Variants in PDZRN4 observed in about 807,000 individuals in gnomAD.
PDZRN4 encodes PDZ domain containing ring finger 4.
Under a neutral mutation model 99.0 loss-of-function variants are expected in PDZRN4, and 70 were observed. The ratio of observed to expected loss-of-function variants is 0.71; its 90% CI spans 0.58 to 0.86. The LOEUF (loss-of-function observed/expected upper bound fraction) is 0.86. Among genes scored for constraint, PDZRN4 ranks in the 40% least tolerant of loss-of-function variants. The probability of loss-of-function intolerance (pLI) is 0.00; values close to 1 mark genes in which losing one functional copy is unlikely to be tolerated. For missense variants in PDZRN4, 1,474 were observed against 1,331.2 expected (o/e 1.11, Z -1.67); for synonymous variants, 551 against 501.6 (o/e 1.10, Z -1.32).
chr12:41,327,501 C>A (rs938654780), intron 3 of PDZRN4, among the ~76,000 whole-genome samples: 1 of 152,190 alleles, frequency 6.6e-6, no homozygotes, highest in Non-Finnish European at 1.5e-5. Context: ...GTGGTTTTAG[C>A]TGTGAACGTC....
At chr12:41,230,379 A>G (rs1951020411) in intron 3 of PDZRN4, among the ~76,000 whole-genome samples, 1 of 152,056 alleles carries the variant, frequency 6.6e-6, no homozygotes, top group Non-Finnish European at 1.5e-5. Flanking sequence ...GGATAACTGT[A>G]ATGAATATTC....
At chr12:41,259,180 C>T (rs1951221640) in intron 3 of PDZRN4, among the ~76,000 whole-genome samples, 1 of 151,762 alleles carries the variant, frequency 6.6e-6, no homozygotes, top group Admixed American at 6.6e-5. Context: ...TTCAACTGGT[C>T]CTATGATGCA....
At chr12:41,195,230 T>C (rs1220988068) in intron 3 of PDZRN4, among the ~76,000 whole-genome samples, 1 of 152,224 alleles carries the variant, frequency 6.6e-6, no homozygotes, top group Admixed American at 6.5e-5. Flanking sequence ...ATGGTTAAGT[T>C]ACTTTTATCA....
chr12:41,300,557 A>AT (rs1951528927), intron 3 of PDZRN4, among the ~76,000 whole-genome samples: 1 of 151,880 alleles, frequency 6.6e-6, no homozygotes, highest in Admixed American at 6.6e-5. Flanking sequence ...TGTAGGTTTT[A>AT]TTTTTTCCCT....
At chr12:41,210,293 T>A (rs968378139) in intron 3 of PDZRN4, among the ~76,000 whole-genome samples, 2 of 152,034 alleles carry the variant, frequency 1.3e-5, no homozygotes, top group African/African-American at 4.8e-5. Flanking sequence ...CCCATTCTGT[T>A]GGTTGCTTGT....
At position 41,219,186 on chromosome 12, in the gene PDZRN4, C is replaced by T. The variant is rs901429642; in HGVS notation, c.843+24998C>T. ...GAGAATTACAGCACTGGGTTTTTCA[C>T]GCTGTGATGAAAGCTTAAAGAAGAT... On this transcript the variant is annotated intron_variant, in intron 3 of 9. Transcript: ENST00000402685. Among the ~76,000 whole-genome samples the T allele has an allele frequency of 5.3e-5, 8 of 152,048 alleles. No individual in the cohort carries two copies. In the South Asian group the frequency reaches 6.2e-4, roughly 12 times the overall value.
intron 3 of PDZRN4, among the ~76,000 whole-genome samples, chr12:41,269,494 G>GA (rs1289534099): frequency 4.6e-5 from 7 of 151,212 alleles, no homozygotes; most frequent in South Asian, 4.2e-4. Flanking sequence ...CAATTACAAG[G>GA]AAAAAAAAGG....
intron 3 of PDZRN4, among the ~76,000 whole-genome samples, chr12:41,279,867 T>C (rs1197271832): frequency 1.3e-5 from 2 of 152,194 alleles, no homozygotes; most frequent in African/African-American, 2.4e-5. Flanking sequence ...ACTTCTTTTT[T>C]CCATCAGTCT....
intron 3 of PDZRN4, among the ~76,000 whole-genome samples, chr12:41,370,877 T>C (rs998722923): frequency 6.6e-6 from 1 of 151,756 alleles, no homozygotes; most frequent in Non-Finnish European, 1.5e-5. Context: ...ATTTTAAATA[T>C]TCCCTTTTAT....
chr12:41,339,884 C>A (rs1160649239), intron 3 of PDZRN4, among the ~76,000 whole-genome samples: 2 of 152,062 alleles, frequency 1.3e-5, no homozygotes, highest in East Asian at 3.9e-4. Context: ...TATTATTTTA[C>A]CCCAGTTAAC....
intron 3 of PDZRN4, among the ~76,000 whole-genome samples, chr12:41,349,805 T>C (rs1951878282): frequency 6.6e-6 from 1 of 151,948 alleles, no homozygotes; most frequent in Admixed American, 6.6e-5. Flanking sequence ...GTATACGGTA[T>C]GGGGAAGCAA....
chr12:41,293,637 C>G (rs1364508558), intron 3 of PDZRN4, among the ~76,000 whole-genome samples: 1 of 152,100 alleles, frequency 6.6e-6, no homozygotes, highest in Non-Finnish European at 1.5e-5. Context: ...CAAGTAGAGG[C>G]AGAAATAACT....
chr12:41,522,743 G>T (rs1445973710), intron 5 of PDZRN4, among the ~76,000 whole-genome samples: 1 of 152,108 alleles, frequency 6.6e-6, no homozygotes, highest in Non-Finnish European at 1.5e-5. Context: ...GTGCATAGCT[G>T]TATGGTAATA....
At chr12:41,317,034 A>G (rs1951642704) in intron 3 of PDZRN4, among the ~76,000 whole-genome samples, 1 of 141,288 alleles carries the variant, frequency 7.1e-6, no homozygotes, top group Non-Finnish European at 1.5e-5. Context: ...CCAGAGAATC[A>G]TAACTTACAT....
intron 3 of PDZRN4, among the ~76,000 whole-genome samples, chr12:41,404,827 T>C (rs1952332614): frequency 1.3e-5 from 2 of 149,192 alleles, no homozygotes; most frequent in South Asian, 2.2e-4. Context: ...AATGAAGTCA[T>C]ACGCTTACAT....
At chr12:41,215,327 C>A (rs1950913355) in intron 3 of PDZRN4, among the ~76,000 whole-genome samples, 1 of 151,962 alleles carries the variant, frequency 6.6e-6, no homozygotes, top group South Asian at 2.1e-4. Context: ...ATTATAATGT[C>A]ACATTCTTGA....
intron 3 of PDZRN4, among the ~76,000 whole-genome samples, chr12:41,243,644 TAAATA>T (rs1033944475): frequency 1.3e-5 from 2 of 152,144 alleles, no homozygotes; most frequent in Non-Finnish European, 2.9e-5. Flanking sequence ...ACAAATAAAA[TAAATA>T]AAATAAAATT....
chr12:41,394,392 A>G (rs1467069989), intron 3 of PDZRN4, among the ~76,000 whole-genome samples: 3 of 152,206 alleles, frequency 2.0e-5, no homozygotes, highest in African/African-American at 7.2e-5. Context: ...TAAAATCTGT[A>G]AGGCTTTGTA....
At position 41,326,801 on chromosome 12, in the gene PDZRN4, G is replaced by A. The variant is rs146083380; in HGVS notation, c.843+132613G>A. Among the ~76,000 whole-genome samples the A allele has an allele frequency of 2.5e-3, 388 of 152,164 alleles. 3 individuals carry two copies. The highest frequency in any genetic ancestry group is 8.8e-3 in the African/African-American group (367 of 41,518). Reference sequence around the variant, plus strand: ...GAGGAAGCAAACAGTTCCCACAAGAGCAGAGTATAATTTAAACATCTAAAG... The same window carrying A: ...GAGGAAGCAAACAGTTCCCACAAGAACAGAGTATAATTTAAACATCTAAAG... On this transcript the variant is annotated intron_variant, in intron 3 of 9. Transcript: ENST00000402685.
Sources: allele counts gnomAD v4.1 joint callset (sites outside exome capture counted in the v4.1 genomes callset), GRCh38; gene constraint gnomAD v4.1.1; transcripts MANE v1.5; gene names NCBI Gene and HGNC (gene_info 2026-07-23, HGNC 2026-07-21).